The following SYT2 variants were observed in gnomAD, a reference collection of about 807,000 sequenced individuals.
SYT2 encodes the protein synaptotagmin-2.
Under a neutral mutation model 39.9 loss-of-function variants are expected in SYT2, and 15 were observed. That is an observed-to-expected ratio of 0.38 (90% CI 0.25 to 0.58). SYT2 has a LOEUF of 0.58. SYT2 is among the 20% of genes least tolerant of loss of function. The probability of loss-of-function intolerance (pLI) is 0.70; values close to 1 mark genes in which losing one functional copy is unlikely to be tolerated. For synonymous variants in SYT2, 181 were observed against 204.5 expected (o/e 0.89, Z 0.98); for missense variants, 389 against 530.3 (o/e 0.73, Z 2.62).
intron 1 of SYT2, among the ~76,000 whole-genome samples, chr1:202,663,868 T>C (rs1428009508): frequency 6.6e-6 from 1 of 152,158 alleles, no homozygotes; most frequent in African/African-American, 2.4e-5. Flanking sequence ...GAGGAACGGA[T>C]GCTCCTTTCT....
intron 3 of SYT2, 167 bp downstream of exon 3, chr1:202,604,288 G>A: frequency 1.5e-6 from 1 of 673,966 alleles, no homozygotes; most frequent in South Asian, 2.0e-5. Flanking sequence ...CCTCCCAGGG[G>A]CCTCCAGGTA....
intron 1 of SYT2, among the ~76,000 whole-genome samples, chr1:202,672,342 G>A (rs1474857642): frequency 6.6e-6 from 1 of 152,148 alleles, no homozygotes; most frequent in Non-Finnish European, 1.5e-5. Context: ...TGAAATGGGG[G>A]TCCTCTGCCA....
intron 1 of SYT2, among the ~76,000 whole-genome samples, chr1:202,658,008 C>T (rs1329561953): frequency 6.6e-6 from 1 of 152,200 alleles, no homozygotes; most frequent in Non-Finnish European, 1.5e-5. Context: ...TTCTGTGCCA[C>T]CTCTGGGCCC....
At chr1:202,629,288 A>G (rs1435091232) in intron 1 of SYT2, among the ~76,000 whole-genome samples, 3 of 152,138 alleles carry the variant, frequency 2.0e-5, no homozygotes, top group Non-Finnish European at 4.4e-5. Context: ...CCATTGCACT[A>G]TCCCTGGCTT....
chr1:202,612,401 T>A (rs1272084112), intron 1 of SYT2, among the ~76,000 whole-genome samples: 1 of 152,196 alleles, frequency 6.6e-6, no homozygotes, highest in Non-Finnish European at 1.5e-5. Context: ...AAGGTCTCAC[T>A]CTGTCACCCA....
At chr1:202,693,256 T>C (rs1653885436) in intron 1 of SYT2, among the ~76,000 whole-genome samples, 1 of 152,108 alleles carries the variant, frequency 6.6e-6, no homozygotes. Context: ...CAGGGGCAAA[T>C]TGATGACACA....
At chr1:202,644,731 G>A (rs1815648) in intron 1 of SYT2, among the ~76,000 whole-genome samples, 2 of 142,788 alleles carry the variant, frequency 1.4e-5, no homozygotes, top group African/African-American at 5.5e-5. Flanking sequence ...ATGTGTGTTG[G>A]GGGGGGCAGT....
intron 1 of SYT2, among the ~76,000 whole-genome samples, chr1:202,642,403 G>A (rs1253147727): frequency 2.0e-5 from 3 of 151,770 alleles, no homozygotes; most frequent in Non-Finnish European, 4.4e-5. Flanking sequence ...GGCACCATGC[G>A]CTCCATCATC....
At chr1:202,659,986 T>A (rs897955025) in intron 1 of SYT2, among the ~76,000 whole-genome samples, 5 of 151,848 alleles carry the variant, frequency 3.3e-5, no homozygotes, top group African/African-American at 1.2e-4. Context: ...GGCACGGAGG[T>A]CCTTCAATGA....
In SYT2 at chr1:202,623,672, G is replaced by T. The variant is rs1459123093; in HGVS notation, c.-17-17883C>A. ...GAAAGTGTGTAGGGGGGGTGCACCC[G>T]TGGGCCCCAGGAGGTCTGTTGTGCG... On this transcript the variant is annotated intron_variant, in intron 1 of 8. Coordinates refer to ENST00000367268, the MANE Select transcript of SYT2 (RefSeq NM_177402.5). The surrounding 1 kb of genome is among the most constrained non-coding windows in gnomAD (Gnocchi z 4.2). Among the ~76,000 whole-genome samples the T allele has an allele frequency of 6.6e-6, 1 of 152,220 alleles. No individual in the cohort carries two copies. The highest frequency in any genetic ancestry group is 2.4e-5 in the African/African-American group (1 of 41,454).
intron 1 of SYT2, among the ~76,000 whole-genome samples, chr1:202,682,326 AG>A (rs1360305799): frequency 6.6e-6 from 1 of 152,206 alleles, no homozygotes; most frequent in Non-Finnish European, 1.5e-5. Flanking sequence ...ACGCCCCCAC[AG>A]TGGGAAACAC....
Position 202,614,195 on chromosome 1 carries a change from T to C in SYT2, c.-17-8406A>G, listed in dbSNP as rs775904371. Among the ~76,000 whole-genome samples, 1 of 152,184 alleles carries C rather than the reference T, an allele frequency of 6.6e-6. No homozygotes were observed. The highest frequency in any genetic ancestry group is 1.5e-5 in the Non-Finnish European group (1 of 68,030). Reference sequence around the variant, plus strand: ...AGCCAGGAATGAAGACGCTTAATGCTCCTGAGGTTCAGGGAATCTGCAGGC... The same window carrying C: ...AGCCAGGAATGAAGACGCTTAATGCCCCTGAGGTTCAGGGAATCTGCAGGC... On this transcript the variant is annotated intron_variant, in intron 1 of 8. Transcript: ENST00000367268. The surrounding 1 kb of genome is among the most constrained non-coding windows in gnomAD (Gnocchi z 4.0).
intron 6 of SYT2, among the ~76,000 whole-genome samples, chr1:202,600,981 T>G (rs1329370649): frequency 1.3e-5 from 2 of 152,166 alleles, no homozygotes; most frequent in African/African-American, 4.8e-5. Context: ...ACTTGTAGTA[T>G]GATTTGTGGT....
At chr1:202,609,281 T>C (rs1405974796) in intron 1 of SYT2, among the ~76,000 whole-genome samples, 2 of 152,124 alleles carry the variant, frequency 1.3e-5, no homozygotes, top group Non-Finnish European at 2.9e-5. Flanking sequence ...CTTATCATTG[T>C]TGGACATTTG....
At chr1:202,640,051 A>G (rs1481351799) in intron 1 of SYT2, among the ~76,000 whole-genome samples, 2 of 152,226 alleles carry the variant, frequency 1.3e-5, no homozygotes, top group Non-Finnish European at 2.9e-5. Context: ...ATTTGCCTGA[A>G]TTCACACAGA....
rs918061844 is a variant in SYT2, at chr1:202,601,807, A to G, written c.801+83T>C. On this transcript the variant is annotated intron_variant, in intron 6 of 8. Coordinates refer to ENST00000367268, the MANE Select transcript of SYT2 (RefSeq NM_177402.5). The surrounding 1 kb of genome is among the most constrained non-coding windows in gnomAD (Gnocchi z 4.0). The stretch of plus-strand genomic sequence containing the variant: ...CACAGGTCGTCTGCCTCCAAAGCCC[A>G]CCCTGTTTCCATCATGCCAAGAGGT... The G allele has an allele frequency of 6.8e-7, 1 of 1,470,584 alleles. No individual in the cohort carries two copies. The highest frequency in any genetic ancestry group is 9.3e-7 in the Non-Finnish European group (1 of 1,075,548). The allele number at this position is 1,470,584 out of a possible 1,614,324, so 91.1% of individuals were successfully genotyped here.
At chr1:202,604,071 C>G (rs939781600) in intron 3 of SYT2, among the ~76,000 whole-genome samples, 1 of 152,214 alleles carries the variant, frequency 6.6e-6, no homozygotes, top group South Asian at 2.1e-4. Flanking sequence ...GATTCCCGCC[C>G]CATGCCCAGT....
chr1:202,600,504 A>T (rs2149067166), intron 6 of SYT2, 30 bp from the exon 7 acceptor site: 2 of 1,607,030 alleles, frequency 1.2e-6, no homozygotes, highest in South Asian at 1.1e-5. Flanking sequence ...GACTTGGGTC[A>T]TCTCACCCAT....
intron 1 of SYT2, among the ~76,000 whole-genome samples, chr1:202,653,848 G>A (rs376756077): frequency 6.9e-4 from 105 of 152,338 alleles, no homozygotes; most frequent in Non-Finnish European, 9.1e-4. Flanking sequence ...GAGGCTGGGA[G>A]CCTGGGTTCT....
Sources: gnomAD v4.1 joint callset for allele counts (sites outside exome capture counted in the v4.1 genomes callset) on GRCh38, gnomAD v4.1.1 for gene constraint, Gnocchi (gnomAD v3.1) non-coding constraint, MANE v1.5 for transcripts, NCBI Gene and HGNC (gene_info 2026-07-23, HGNC 2026-07-21) for gene names.